CCDC191: variants seen among roughly 807,000 people sequenced by gnomAD.
CCDC191 encodes the protein coiled-coil domain-containing protein 191.
In CCDC191, 99 loss-of-function variants were observed where a neutral mutation model predicts 114.0. That is an observed-to-expected ratio of 0.87 (90% CI 0.74 to 1.03). The LOEUF (loss-of-function observed/expected upper bound fraction) is 1.03, where lower values mean the gene tolerates loss of function less well. Among genes scored for constraint, CCDC191 ranks in the 50% least tolerant of loss-of-function variants. The pLI, the probability that CCDC191 is intolerant of heterozygous loss-of-function variation, is 0.00. For missense variants in CCDC191, 973 were observed against 1,087.0 expected (o/e 0.90, Z 1.47); for synonymous variants, 351 against 376.0 (o/e 0.93, Z 0.77).
At chr3:114,047,126 G>A in intron 2 of CCDC191, 1 of 983,296 alleles carries the variant, frequency 1.0e-6, no homozygotes, top group Non-Finnish European at 1.2e-6. Context: ...ACCAGAGGTA[G>A]AGTAACCACA....
chr3:114,015,977 C>T (rs2076151795), intron 8 of CCDC191, among the ~76,000 whole-genome samples: 1 of 152,086 alleles, frequency 6.6e-6, no homozygotes, highest in African/African-American at 2.4e-5. Context: ...TTTGTGGTTG[C>T]TTCAGAGAGA....
At chr3:113,974,443 C>T (rs1941122485) in intron 16 of CCDC191, among the ~76,000 whole-genome samples, 2 of 151,910 alleles carry the variant, frequency 1.3e-5, no homozygotes, top group Non-Finnish European at 2.9e-5. Flanking sequence ...CCTCAGGCTT[C>T]CGAGTAGGTG....
intron 14 of CCDC191, among the ~76,000 whole-genome samples, chr3:113,979,635 C>T (rs1012168688): frequency 6.6e-6 from 1 of 152,172 alleles, no homozygotes; most frequent in Non-Finnish European, 1.5e-5. Context: ...AAAGCCTTCT[C>T]TCTTAGTCCT....
intron 8 of CCDC191, among the ~76,000 whole-genome samples, chr3:114,011,231 C>A (rs1288217786): frequency 2.0e-5 from 3 of 152,176 alleles, no homozygotes; most frequent in Admixed American, 2.0e-4. Context: ...CAACAGATTA[C>A]CTTCAAGAAG....
rs574711507 is a variant in CCDC191, at chr3:113,968,461, C to A, written c.2607-3102G>T. On this transcript the variant is annotated intron_variant, in intron 16 of 16. Transcript: ENST00000295878. ...AATGTCTATTTAGATCTTCCCCCCCCTTTTTTTTTTAGGGCGTCACTCTGT... is the reference window on the plus strand; with the variant it reads ...AATGTCTATTTAGATCTTCCCCCCCATTTTTTTTTTAGGGCGTCACTCTGT... Among the ~76,000 whole-genome samples, 365 of 144,906 alleles carry A rather than the reference C, an allele frequency of 2.5e-3. 3 individuals are homozygous for A. Among genetic ancestry groups the A allele is most frequent in the African/African-American group, 8.4e-3 (328 of 39,246 alleles).
Position 113,965,495 on chromosome 3 carries a change from G to A in CCDC191, c.2607-136C>T, listed in dbSNP as rs970940017. On this transcript the variant is annotated intron_variant, in intron 16 of 16. Coordinates refer to ENST00000295878, the MANE Select transcript of CCDC191 (RefSeq NM_020817.2). ...TAAAAGGTGTGGAAATCACAATCGG[G>A]ATTATGACAGTGTGAAATGCTGTGA... The A allele has an allele frequency of 5.1e-5, 24 of 467,982 alleles. 1 individual carries two copies. The Admixed American group carries it at 8.8e-4, about 17-fold the overall frequency. The allele number at this position is 467,982 out of a possible 1,614,324, so 29.0% of individuals were successfully genotyped here.
intron 8 of CCDC191, among the ~76,000 whole-genome samples, chr3:114,017,255 A>G (rs1004356788): frequency 3.9e-5 from 6 of 152,102 alleles, no homozygotes; most frequent in African/African-American, 1.4e-4. Flanking sequence ...CAGTCTCCCC[A>G]TCTCTACCTA....
chr3:113,977,360 G>A lies in CCDC191; in HGVS notation c.2606+826C>T, dbSNP rs117195176. Among the ~76,000 whole-genome samples the A allele has an allele frequency of 1.5e-4, 23 of 152,096 alleles. No homozygotes were observed. In the East Asian group the frequency reaches 4.3e-3, roughly 28 times the overall value. On this transcript the variant is annotated intron_variant, in intron 16 of 16. Transcript: ENST00000295878. ...GCTGGAGGCATCACTGAATACACCC[G>A]GCACACTAACTGATGCTCATAATGA...
intron 13 of CCDC191, among the ~76,000 whole-genome samples, chr3:113,985,860 C>T (rs565045875): frequency 6.6e-6 from 1 of 152,330 alleles, no homozygotes; most frequent in Admixed American, 6.5e-5. Context: ...CAAATCTCCA[C>T]ACTCTAGGCC....
chr3:114,032,612 G>C (rs1242663429), intron 6 of CCDC191, among the ~76,000 whole-genome samples: 1 of 152,200 alleles, frequency 6.6e-6, no homozygotes, highest in Non-Finnish European at 1.5e-5. Flanking sequence ...TTAGTTCACA[G>C]TTGTGGAAAC....
intron 13 of CCDC191, among the ~76,000 whole-genome samples, chr3:114,000,271 GAGGA>G (rs2075829699): frequency 6.6e-6 from 1 of 150,806 alleles, no homozygotes; most frequent in African/African-American, 2.4e-5. Flanking sequence ...CAAAAAGGAG[GAGGA>G]AGGAAGAATT....
chr3:113,965,297 C>A lies in CCDC191; in HGVS notation c.2669G>T (p.Arg890Ile). 6.2e-7 allele frequency: 1 copy of A among 1,611,582 alleles called. No individual in the cohort carries two copies. Among genetic ancestry groups the A allele is most frequent in the Non-Finnish European group, 8.5e-7 (1 of 1,178,926 alleles). Residue 890 changes from arginine to isoleucine, a missense_variant, in exon 17 of 17, where the codon AGA (arginine) becomes ATA (isoleucine). Transcript: ENST00000295878. ...TTGCTGTCGCCTTTCTTCTTTTACT[C>A]TTTCCTCTTTCATAAATTTTACAAA... Reference protein sequence around the residue: ...KKFVKFMKEERVKEERRQQLR... With the variant: ...KKFVKFMKEEIVKEERRQQLR...
intron 10 of CCDC191, among the ~76,000 whole-genome samples, 177 bp from the exon 11 acceptor site, chr3:114,004,923 C>A (rs553953953): frequency 6.6e-6 from 1 of 152,146 alleles, no homozygotes; most frequent in Non-Finnish European, 1.5e-5. Flanking sequence ...GTTGTGTGAT[C>A]GGCATGAGTC....
chr3:114,018,600 A>C, intron 8 of CCDC191, 78 bp downstream of exon 8: 2 of 1,188,582 alleles, frequency 1.7e-6, no homozygotes, highest in South Asian at 1.6e-5. Flanking sequence ...TGGCATGTGT[A>C]AAGTTTATTT....
chr3:114,041,208 T>C (rs991255356), intron 4 of CCDC191, among the ~76,000 whole-genome samples: 2 of 152,090 alleles, frequency 1.3e-5, no homozygotes, highest in African/African-American at 4.8e-5. Flanking sequence ...TACCACACTT[T>C]AATAATGACA....
intron 8 of CCDC191, among the ~76,000 whole-genome samples, chr3:114,017,317 A>G (rs62267071): frequency 0.093 from 14,149 of 152,184 alleles, 721 homozygotes; most frequent in East Asian, 0.13. Context: ...TCTTCTTGAT[A>G]ATGCCTTTCC....
At position 114,056,495 on chromosome 3, in the gene CCDC191, A is replaced by G; in HGVS notation, c.-29T>C. On this transcript the variant is annotated 5_prime_UTR_variant, in exon 1 of 17. Transcript: ENST00000295878. ...CCAAGTTCGAGCCCGAACCTCGGCC[A>G]AAGCTGCAGCAACCGCCCTTCTGCC... 4 of 1,613,904 alleles carry G rather than the reference A, an allele frequency of 2.5e-6. No homozygotes were observed. The highest frequency in any genetic ancestry group is 3.4e-6 in the Non-Finnish European group (4 of 1,179,996).
chr3:113,996,785 A>G (rs939111265), intron 13 of CCDC191, among the ~76,000 whole-genome samples: 1 of 149,566 alleles, frequency 6.7e-6, no homozygotes, highest in Admixed American at 6.8e-5. Context: ...AAAACCAAAA[A>G]CTGCATGTTC....
intron 9 of CCDC191, among the ~76,000 whole-genome samples, chr3:114,007,098 T>C (rs909569665): frequency 6.6e-6 from 1 of 152,230 alleles, no homozygotes; most frequent in Admixed American, 6.5e-5. Context: ...TCCCATTTAA[T>C]AGACTGAGGT....
Sources: gnomAD v4.1 joint callset for allele counts (sites outside exome capture counted in the v4.1 genomes callset) on GRCh38, gnomAD v4.1.1 for gene constraint, MANE v1.5 for transcripts, NCBI Gene and HGNC (gene_info 2026-07-23, HGNC 2026-07-21) for gene names.